Variants in EXOC5 observed in about 807,000 individuals in gnomAD.
The protein encoded by EXOC5 is exocyst complex component 5.
EXOC5 carries 17 observed loss-of-function variants against 90.8 expected under a neutral mutation model. The observed-to-expected ratio is 0.19, with a 90% confidence interval of 0.13 to 0.28. The LOEUF (loss-of-function observed/expected upper bound fraction) is 0.28. Ranked by LOEUF, EXOC5 falls within the 10% of genes least tolerant of loss-of-function variation. EXOC5 has a pLI of 1.00. For synonymous variants in EXOC5, 260 were observed against 270.0 expected (o/e 0.96, Z 0.36); for missense variants, 569 against 830.6 (o/e 0.69, Z 3.87).
At chr14:57,233,688 G>GA (rs1220789072) in intron 9 of EXOC5, 55 bp downstream of exon 9, 11 of 1,100,542 alleles carry the variant, frequency 1.0e-5, no homozygotes, top group African/African-American at 9.6e-5. Context: ...AAAATATAGG[G>GA]AAAAAATTAC....
At chr14:57,256,771 A>G (rs1884359992) in intron 1 of EXOC5, among the ~76,000 whole-genome samples, 1 of 152,140 alleles carries the variant, frequency 6.6e-6, no homozygotes, top group South Asian at 2.1e-4. Context: ...TCCATACCCA[A>G]TGACTGATTA....
chr14:57,229,701 G>A (rs767656893), intron 12 of EXOC5, 33 bp downstream of exon 12: 12 of 1,411,480 alleles, frequency 8.5e-6, no homozygotes, highest in Non-Finnish European at 1.1e-5. Flanking sequence ...AGGAACAACT[G>A]TATATGTAAA....
In EXOC5 at chr14:57,239,019, T is replaced by G. The variant is rs116196705; in HGVS notation, c.530+576A>C. On this transcript the variant is annotated intron_variant, in intron 5 of 17. Coordinates refer to ENST00000621441, the MANE Select transcript of EXOC5 (RefSeq NM_006544.4). The stretch of plus-strand genomic sequence containing the variant: ...GTTTATTTTAGGATGAAATCTAACT[T>G]AGTAATGGCTCTGGGGCCTTGCATT... 8.1e-3 allele frequency among the ~76,000 whole-genome samples: 1,229 copies of G among 152,192 alleles called. 20 individuals carry two copies. The highest frequency in any genetic ancestry group is 0.027 in the African/African-American group (1,123 of 41,538).
Position 57,208,711 on chromosome 14 carries a change from G to A in EXOC5, c.2025C>T (p.Cys675=). The part of the protein sequence containing the change: ...VVAPDNLKQV[C]SGEQLANLDK... Reference sequence around the variant, plus strand: ...CCAGATTAGCAAGTTGTTCTCCTGAGCAGACTTGCTTTAAATTATCTGGGG... The same window carrying A: ...CCAGATTAGCAAGTTGTTCTCCTGAACAGACTTGCTTTAAATTATCTGGGG... The change falls in exon 18 of 18, where the codon TGC becomes TGT. Residue 675 remains cysteine (C), a synonymous_variant. Transcript: ENST00000621441. 6.2e-7 allele frequency: 1 copy of A among 1,611,024 alleles called. No homozygotes were observed. The highest frequency in any genetic ancestry group is 1.3e-5 in the African/African-American group (1 of 74,974).
At chr14:57,217,127 A>G (rs1446432414) in intron 15 of EXOC5, among the ~76,000 whole-genome samples, 1 of 152,208 alleles carries the variant, frequency 6.6e-6, no homozygotes, top group Non-Finnish European at 1.5e-5. Flanking sequence ...TCAAGAATGC[A>G]GGTAAAAGAG....
intron 1 of EXOC5, among the ~76,000 whole-genome samples, chr14:57,262,788 G>T (rs1379467423): frequency 8.4e-6 from 1 of 118,692 alleles, no homozygotes; most frequent in Non-Finnish European, 1.6e-5. Context: ...TCTTCCCCCT[G>T]CAAGGGTCCT....
In EXOC5 at chr14:57,232,687, A is replaced by T; in HGVS notation, c.918T>A (p.Asn306Lys). Residue 306 changes from asparagine (N) to lysine (K), a missense_variant, in exon 10 of 18, where the codon AAT (asparagine) becomes AAA (lysine). This residue lies in a region of EXOC5 where 114 missense variants were observed against 111.2 expected (regional missense o/e 1.03). Coordinates refer to ENST00000621441, the MANE Select transcript of EXOC5 (RefSeq NM_006544.4). ...RKSDAEQYLK[N>K]LYDLYTRTTN... ...TTTACCTTGTATACAGATCATAGAG[A>T]TTTTTGAGATATTGCTCTGCATCGG... The T allele has an allele frequency of 6.7e-7, 1 of 1,489,364 alleles. No individual in the cohort carries two copies. Among genetic ancestry groups the T allele is most frequent in the South Asian group, 1.2e-5 (1 of 81,124 alleles). The allele number at this position is 1,489,364 out of a possible 1,614,324, so 92.3% of individuals were successfully genotyped here. A position where few individuals can be genotyped will look rare whatever the true frequency, so the allele number is the denominator to read the frequency against.
At chr14:57,244,487 T>C in intron 3 of EXOC5, 128 bp from the exon 4 acceptor site, 1 of 697,312 alleles carries the variant, frequency 1.4e-6, no homozygotes, top group East Asian at 2.6e-5. Context: ...AAATTCATGC[T>C]CATTAGTGTG....
chr14:57,234,706 C>T (rs1017911353), intron 7 of EXOC5, among the ~76,000 whole-genome samples: 4 of 151,694 alleles, frequency 2.6e-5, no homozygotes, highest in Admixed American at 6.6e-5. Flanking sequence ...GCTGGGACTA[C>T]AGGCACATGC....
At chr14:57,262,645 T>C (rs1374530662) in intron 1 of EXOC5, among the ~76,000 whole-genome samples, 1 of 145,092 alleles carries the variant, frequency 6.9e-6, no homozygotes, top group Non-Finnish European at 1.5e-5. Flanking sequence ...TAAGTATATA[T>C]ACATATATAC....
rs1477921901 is a variant in EXOC5 at position 57,222,384 on chromosome 14, G to C, written c.1329C>G (p.Ala443=). 17 of 1,598,196 alleles carry C rather than the reference G, an allele frequency of 1.1e-5. No individual in the cohort carries two copies. The Admixed American group carries it at 2.2e-4, about 21-fold the overall frequency. Residue 443 remains alanine (A), a synonymous_variant, in exon 13 of 18, where the codon GCC becomes GCG. Coordinates refer to ENST00000621441, the MANE Select transcript of EXOC5 (RefSeq NM_006544.4). ...CCACAAGAATGGTAAAAATTCTGAA[G>C]GCATTCCTTGGTAAGTCAGAAGGAT... ...LSDPSDLPRN[A]FRIFTILVEF...
chr14:57,239,757 C>T, intron 4 of EXOC5, 98 bp from the exon 5 acceptor site: 1 of 667,516 alleles, frequency 1.5e-6, no homozygotes, highest in East Asian at 2.9e-5. Flanking sequence ...CTGCATGTGC[C>T]CACAGTCCCT....
intron 15 of EXOC5, among the ~76,000 whole-genome samples, chr14:57,212,716 A>G (rs1342411421): frequency 6.6e-6 from 1 of 152,208 alleles, no homozygotes; most frequent in Non-Finnish European, 1.5e-5. Flanking sequence ...ATGCTTTATC[A>G]CAACAAACCT....
At chr14:57,261,961 TA>T (rs1169278548) in intron 1 of EXOC5, among the ~76,000 whole-genome samples, 1 of 152,176 alleles carries the variant, frequency 6.6e-6, no homozygotes, top group Non-Finnish European at 1.5e-5. Context: ...GGGAGGGGCA[TA>T]AACATCACAA....
chr14:57,217,800 T>C (rs1269721743), intron 15 of EXOC5, among the ~76,000 whole-genome samples, 182 bp downstream of exon 15: 2 of 152,070 alleles, frequency 1.3e-5, no homozygotes, highest in Non-Finnish European at 2.9e-5. Flanking sequence ...GTAAAAAACT[T>C]CAGGATCCAA....
At chr14:57,241,749 G>A (rs1346423276) in intron 4 of EXOC5, among the ~76,000 whole-genome samples, 1 of 152,116 alleles carries the variant, frequency 6.6e-6, no homozygotes, top group Non-Finnish European at 1.5e-5. Context: ...TTTGGGTGAG[G>A]TGAGAGACTA....
chr14:57,210,270 AAC>A (rs1332489567), intron 15 of EXOC5, among the ~76,000 whole-genome samples: 1 of 152,162 alleles, frequency 6.6e-6, no homozygotes, highest in Non-Finnish European at 1.5e-5. Context: ...GTCTGCTCAA[AAC>A]AGAGGGCAAA....
At position 57,204,194 on chromosome 14, in the gene EXOC5, A is replaced by C. The variant is rs1359801107; in HGVS notation, c.*4415T>G. On this transcript the variant is annotated 3_prime_UTR_variant, in exon 18 of 18. Transcript: ENST00000621441. ...AATAATGATAAAATACCTCGGGTCT[A>C]GTTCAAAAATAGGAATTTTGTTAAG... 6.6e-6 allele frequency: 1 copy of C among 152,170 alleles called. No homozygotes were observed. Among genetic ancestry groups the C allele is most frequent in the Non-Finnish European group, 1.5e-5 (1 of 68,002 alleles). 9.4% of individuals were successfully genotyped at this position (152,170 alleles called of 1,614,324 possible). A position where few individuals can be genotyped will look rare whatever the true frequency, so the allele number is the denominator to read the frequency against.
At chr14:57,229,203 A>C (rs1883402720) in intron 12 of EXOC5, among the ~76,000 whole-genome samples, 2 of 152,184 alleles carry the variant, frequency 1.3e-5, no homozygotes, top group Non-Finnish European at 2.9e-5. Flanking sequence ...TTATATTCAC[A>C]TTTATTCCTA....
Sources: gnomAD v4.1 joint callset for allele counts (sites outside exome capture counted in the v4.1 genomes callset) on GRCh38, gnomAD v4.1.1 for gene constraint, gnomAD v4.1.1 regional missense constraint, MANE v1.5 for transcripts, NCBI Gene and HGNC (gene_info 2026-07-23, HGNC 2026-07-21) for gene names.